The following NRCAM variants were observed in gnomAD, a reference collection of about 807,000 sequenced individuals.
The protein encoded by NRCAM is NgCAM-related cell adhesion molecule.
Under a neutral mutation model 156.5 loss-of-function variants are expected in NRCAM, and 83 were observed. The observed-to-expected ratio is 0.53, with a 90% CI of 0.44 to 0.64. The LOEUF (loss-of-function observed/expected upper bound fraction) is 0.64, where lower values mean the gene tolerates loss of function less well. NRCAM is among the 30% of genes least tolerant of loss of function. NRCAM has a pLI of 0.00. For missense variants in NRCAM, 1,417 were observed against 1,597.3 expected, an observed-to-expected ratio of 0.89 and a Z score of 1.92; for synonymous variants, 538 against 563.9, an observed-to-expected ratio of 0.95 and a Z score of 0.65.
chr7:108,356,729 T>C (rs1247824222), intron 2 of NRCAM, among the ~76,000 whole-genome samples: 5 of 152,082 alleles, frequency 3.3e-5, no homozygotes, highest in Non-Finnish European at 7.4e-5. Flanking sequence ...TCCATAGAGG[T>C]TGACGGTACC....
At chr7:108,168,019 C>T (rs1484875991) in intron 29 of NRCAM, among the ~76,000 whole-genome samples, 1 of 152,128 alleles carries the variant, frequency 6.6e-6, no homozygotes, top group African/African-American at 2.4e-5. Flanking sequence ...GAACTAGTTT[C>T]AAGTACTATG....
chr7:108,243,405 C>T (rs971192904), intron 3 of NRCAM, among the ~76,000 whole-genome samples: 8 of 152,198 alleles, frequency 5.3e-5, no homozygotes, highest in African/African-American at 1.4e-4. Flanking sequence ...AGAAAAACCA[C>T]CGCTTTGCAC....
At position 108,209,087 on chromosome 7, in the gene NRCAM, T is replaced by C. The variant is rs534592596; in HGVS notation, c.1075+334A>G. On this transcript the variant is annotated intron_variant, in intron 12 of 32. Coordinates refer to ENST00000379028, the MANE Select transcript of NRCAM (RefSeq NM_001037132.4). Reference sequence around the variant, plus strand: ...ACACTTTGAAGCTATGCAAATATCCTGTTTCTCCTTAAAGTTTCACCCACT... The same window carrying C: ...ACACTTTGAAGCTATGCAAATATCCCGTTTCTCCTTAAAGTTTCACCCACT... Among the ~76,000 whole-genome samples the C allele has an allele frequency of 5.3e-5, 8 of 152,330 alleles. No homozygotes were observed. The South Asian group carries it at 1.5e-3, about 28-fold the overall frequency.
At chr7:108,301,975 A>G (rs1204316200) in intron 3 of NRCAM, among the ~76,000 whole-genome samples, 2 of 152,054 alleles carry the variant, frequency 1.3e-5, no homozygotes, top group East Asian at 3.9e-4. Flanking sequence ...ATTAAGATGA[A>G]AATGTTTCAC....
chr7:108,423,197 T>C (rs1489432096), intron 1 of NRCAM, among the ~76,000 whole-genome samples: 6 of 151,980 alleles, frequency 3.9e-5, no homozygotes, highest in African/African-American at 1.5e-4. Flanking sequence ...TAATGAAATA[T>C]GTACATAATA....
chr7:108,438,343 A>C (rs1308294939), intron 1 of NRCAM, among the ~76,000 whole-genome samples: 1 of 152,186 alleles, frequency 6.6e-6, no homozygotes, highest in East Asian at 1.9e-4. Context: ...AGTGGGATGT[A>C]TTGCAGAAGT....
At chr7:108,360,619 G>C (rs2099543423) in intron 2 of NRCAM, among the ~76,000 whole-genome samples, 1 of 152,174 alleles carries the variant, frequency 6.6e-6, no homozygotes, top group Non-Finnish European at 1.5e-5. Context: ...CAGCAGTCAG[G>C]ACAGTGGACA....
intron 32 of NRCAM, among the ~76,000 whole-genome samples, chr7:108,152,519 G>A (rs1006431934): frequency 7.6e-5 from 8 of 104,702 alleles, no homozygotes; most frequent in African/African-American, 3.1e-4. Flanking sequence ...TTAACTCTGA[G>A]TGAGACAGGA....
intron 2 of NRCAM, among the ~76,000 whole-genome samples, chr7:108,392,161 CAG>C (rs2099762387): frequency 6.6e-6 from 1 of 152,212 alleles, no homozygotes; most frequent in East Asian, 1.9e-4. Flanking sequence ...TAATATCCTG[CAG>C]AGTGTTTTCC....
rs966415650 is a variant in NRCAM at position 108,187,768 on chromosome 7, G to A, written c.2035+1877C>T. 6.6e-5 allele frequency among the ~76,000 whole-genome samples: 10 copies of A among 152,040 alleles called. No homozygotes were observed. In the South Asian group the frequency reaches 1.0e-3, roughly 16 times the overall value. ...AGATTGAGACCATTCTGGCTAGTACGGCAAAACCCCATCTCTACTAAAAAT... is the reference window on the plus strand; with the variant it reads ...AGATTGAGACCATTCTGGCTAGTACAGCAAAACCCCATCTCTACTAAAAAT... On this transcript the variant is annotated intron_variant, in intron 20 of 32. Transcript: ENST00000379028.
intron 2 of NRCAM, among the ~76,000 whole-genome samples, chr7:108,396,665 G>C (rs1224319432): frequency 1.3e-5 from 2 of 152,288 alleles, no homozygotes; most frequent in East Asian, 3.9e-4. Context: ...ATTACACAGT[G>C]TATGCATGTA....
intron 1 of NRCAM, among the ~76,000 whole-genome samples, chr7:108,405,460 T>C (rs2099804624): frequency 6.6e-6 from 1 of 152,144 alleles, no homozygotes; most frequent in Admixed American, 6.6e-5. Context: ...CTCACAATAA[T>C]CCCATAAGGT....
chr7:108,162,719 T>C (rs1474893828), intron 30 of NRCAM, among the ~76,000 whole-genome samples: 2 of 152,156 alleles, frequency 1.3e-5, no homozygotes, highest in Non-Finnish European at 2.9e-5. Context: ...AAGAAAAAAG[T>C]ATCGAATATT....
At chr7:108,169,819 A>C (rs1344169298) in intron 28 of NRCAM, among the ~76,000 whole-genome samples, 1 of 152,246 alleles carries the variant, frequency 6.6e-6, no homozygotes, top group African/African-American at 2.4e-5. Context: ...TTTTCTTAAA[A>C]AATTTTGGAA....
At chr7:108,292,869 T>A (rs1466283704) in intron 3 of NRCAM, among the ~76,000 whole-genome samples, 1 of 152,158 alleles carries the variant, frequency 6.6e-6, no homozygotes, top group Non-Finnish European at 1.5e-5. Context: ...AAAGCACAAA[T>A]GAATAGCTAA....
intron 11 of NRCAM, among the ~76,000 whole-genome samples, chr7:108,210,141 CT>C (rs1000181387): frequency 6.6e-6 from 1 of 151,884 alleles, no homozygotes; most frequent in Middle Eastern, 3.5e-3. Context: ...AGGGAAAGAG[CT>C]TTTTTTCCTT....
At chr7:108,234,351 G>A (rs1196302160) in intron 6 of NRCAM, among the ~76,000 whole-genome samples, 1 of 152,132 alleles carries the variant, frequency 6.6e-6, no homozygotes, top group Admixed American at 6.5e-5. Flanking sequence ...TGAGACTTTA[G>A]GGATATGCAG....
chr7:108,161,438 C>A (rs1014191652), intron 30 of NRCAM, among the ~76,000 whole-genome samples: 3 of 152,216 alleles, frequency 2.0e-5, no homozygotes, highest in Non-Finnish European at 4.4e-5. Context: ...GCATCAATGG[C>A]TATTCAGACA....
At chr7:108,231,455 A>G (rs929365763) in intron 7 of NRCAM, among the ~76,000 whole-genome samples, 2 of 152,212 alleles carry the variant, frequency 1.3e-5, no homozygotes, top group Non-Finnish European at 2.9e-5. Context: ...GTTCTTCACA[A>G]AAGAATGGAA....
Sources: allele counts gnomAD v4.1 joint callset (sites outside exome capture counted in the v4.1 genomes callset), GRCh38; gene constraint gnomAD v4.1.1; transcripts MANE v1.5; gene names NCBI Gene and HGNC (gene_info 2026-07-23, HGNC 2026-07-21).